The following DMD variants were observed in gnomAD, a reference collection of about 807,000 sequenced individuals.
DMD encodes the protein dystrophin.
In DMD, 63 loss-of-function variants were observed where a neutral mutation model predicts 330.1. The ratio of observed to expected loss-of-function variants is 0.19; its 90% CI spans 0.16 to 0.24. The LOEUF (loss-of-function observed/expected upper bound fraction) is 0.24. DMD is among the 10% of genes least tolerant of loss of function. The pLI is 1.00. For synonymous variants in DMD, 1,223 were observed against 959.8 expected (o/e 1.27, Z -5.07); for missense variants, 3,344 against 2,684.1 (o/e 1.25, Z -5.43).
rs957054113 is a variant in DMD, at chrX:31,527,590, C to A, written c.8218-20137G>T. On this transcript the variant is annotated intron_variant, in intron 55 of 78. Transcript: ENST00000357033. The stretch of plus-strand genomic sequence containing the variant: ...GTGAGGCATAGGTCACCTTTCTGCC[C>A]CTTTTGGCTATTTCTGTTGGCGAGC... 3.6e-5 allele frequency among the ~76,000 whole-genome samples: 4 copies of A among 111,390 alleles called. No individual in the cohort carries two copies. In the East Asian group the frequency reaches 1.1e-3, roughly 31 times the overall value.
At chrX:33,232,934 T>A (rs1436727422) in intron 1 of DMD, among the ~76,000 whole-genome samples, 1 of 111,109 alleles carries the variant, frequency 9.0e-6, no homozygotes, top group Non-Finnish European at 1.9e-5. Flanking sequence ...GGCGGAAGGG[T>A]CCTACCGGGA....
chrX:31,852,024 G>T (rs776925314), intron 48 of DMD, among the ~76,000 whole-genome samples: 2 of 111,086 alleles, frequency 1.8e-5, no homozygotes, highest in South Asian at 7.7e-4. Flanking sequence ...GGACACCAGG[G>T]TGAGTGGAAT....
chrX:32,080,449 G>A (rs1402966053), intron 44 of DMD, among the ~76,000 whole-genome samples: 3 of 112,401 alleles, frequency 2.7e-5, no homozygotes, highest in Non-Finnish European at 5.6e-5. Context: ...TTTAAATAAA[G>A]TTATGTAAAT....
intron 1 of DMD, among the ~76,000 whole-genome samples, chrX:33,315,997 G>A (rs2148951860): frequency 9.1e-6 from 1 of 109,908 alleles, no homozygotes; most frequent in South Asian, 3.8e-4. Flanking sequence ...CAAATGTTTT[G>A]CAATATACCT....
At chrX:32,958,111 C>G (rs2091696754) in intron 2 of DMD, among the ~76,000 whole-genome samples, 1 of 111,448 alleles carries the variant, frequency 9.0e-6, no homozygotes. Context: ...CATAGATTTT[C>G]AGCGTAAGAG....
At position 32,365,176 on chromosome X, in the gene DMD, T is replaced by C; in HGVS notation, c.4869A>G (p.Lys1623=). The C allele has an allele frequency of 8.3e-7, 1 of 1,211,021 alleles. No homozygotes were observed. The highest frequency in any genetic ancestry group is 1.1e-6 in the Non-Finnish European group (1 of 895,117). Reference sequence around the variant, plus strand: ...TGATACTCTTCAGGTGCACCTTCTGTTTCTCAATCTCTTTTTGAGTAGCCT... The same window carrying C: ...TGATACTCTTCAGGTGCACCTTCTGCTTCTCAATCTCTTTTTGAGTAGCCT... ...WGKATQKEIE[K]QKVHLKSITE... The change falls in exon 35 of 79, where the codon AAA becomes AAG. Residue 1623 remains lysine (K), a synonymous_variant. Coordinates refer to ENST00000357033, the MANE Select transcript of DMD (RefSeq NM_004006.3).
At chrX:32,826,821 T>C (rs1175280416) in intron 4 of DMD, among the ~76,000 whole-genome samples, 1 of 110,413 alleles carries the variant, frequency 9.1e-6, no homozygotes, top group Non-Finnish European at 1.9e-5. Context: ...ATTTTGAAAA[T>C]TGCTAAGAGA....
At chrX:32,198,305 G>C (rs976810324) in intron 44 of DMD, among the ~76,000 whole-genome samples, 9 of 111,617 alleles carry the variant, frequency 8.1e-5, no homozygotes, top group Non-Finnish European at 1.7e-4. Context: ...CCAAAACTTA[G>C]AAGTAAAACA....
In DMD at chrX:31,627,692, T is replaced by C. The variant is rs1219165101; in HGVS notation, c.8198A>G (p.Glu2733Gly). 8.3e-6 allele frequency: 10 copies of C among 1,209,857 alleles called. No individual in the cohort carries two copies. Among genetic ancestry groups the C allele is most frequent in the Non-Finnish European group, 1.1e-5 (10 of 895,251 alleles). Residue 2733 changes from glutamate (E) to glycine (G), a missense_variant, in exon 55 of 79, where the codon GAG (glutamate) becomes GGG (glycine). Glu to Gly is a moderately conservative substitution (Grantham distance 98, BLOSUM62 -2). Transcript: ENST00000357033. ...ACTTACTTGCCATTGTTTCATCAGC[T>C]CTTTTACTCCCTTGGAGTCTTCTAG... Reference protein sequence around the residue: ...RLLEDSKGVKELMKQWQDLQG... With the variant: ...RLLEDSKGVKGLMKQWQDLQG...
chrX:32,563,207 G>T (rs1238706716), intron 16 of DMD, among the ~76,000 whole-genome samples: 1 of 108,462 alleles, frequency 9.2e-6, no homozygotes, highest in African/African-American at 3.4e-5. Flanking sequence ...GGGTGTCATG[G>T]TAGGCACCTG....
intron 18 of DMD, among the ~76,000 whole-genome samples, chrX:32,514,717 G>GGC (rs1349014296): frequency 3.6e-5 from 4 of 112,576 alleles, no homozygotes; most frequent in East Asian, 2.8e-4. Context: ...CTCCCGCCTG[G>GGC]GACAGAGCGA....
intron 64 of DMD, among the ~76,000 whole-genome samples, chrX:31,220,793 C>T (rs2045924166): frequency 9.1e-6 from 1 of 110,117 alleles, no homozygotes; most frequent in Admixed American, 9.7e-5. Context: ...GACTCCCTTT[C>T]ACCCACCACA....
intron 9 of DMD, among the ~76,000 whole-genome samples, chrX:32,662,775 A>G (rs1022864712): frequency 8.9e-6 from 1 of 111,973 alleles, no homozygotes; most frequent in African/African-American, 3.2e-5. Context: ...CAGAATTTCT[A>G]AACAAATAAA....
At chrX:31,201,187 A>ACACACACG (rs1394457407) in intron 67 of DMD, among the ~76,000 whole-genome samples, 1 of 107,618 alleles carries the variant, frequency 9.3e-6, no homozygotes, top group African/African-American at 3.4e-5. Flanking sequence ...ACACACACAC[A>ACACACACG]CACACACACA....
intron 2 of DMD, among the ~76,000 whole-genome samples, chrX:32,984,056 C>T (rs779355077): frequency 9.0e-6 from 1 of 111,161 alleles, no homozygotes; most frequent in South Asian, 3.8e-4. Context: ...TCCTTCCCTG[C>T]CAGCTAAAGA....
intron 44 of DMD, among the ~76,000 whole-genome samples, chrX:32,133,432 C>CT (rs1234490703): frequency 9.0e-6 from 1 of 111,604 alleles, no homozygotes; most frequent in Non-Finnish European, 1.9e-5. Context: ...GATATCACAG[C>CT]TTTAAATGTT....
At chrX:31,310,816 A>C (rs1013998169) in intron 62 of DMD, among the ~76,000 whole-genome samples, 1 of 108,177 alleles carries the variant, frequency 9.2e-6, no homozygotes, top group Non-Finnish European at 1.9e-5. Flanking sequence ...TGACCCCCCA[A>C]AGTGCTGGGA....
rs763610153 is a variant in DMD at position 32,287,661 on chromosome X, T to C, written c.6158A>G (p.Asp2053Gly). The C allele has an allele frequency of 8.3e-7, 1 of 1,210,000 alleles. No homozygotes were observed. Among genetic ancestry groups the C allele is most frequent in the Non-Finnish European group, 1.1e-6 (1 of 894,185 alleles). Reference sequence around the variant, plus strand: ...TGCTGTCTTCTTGCTATGAATAATGTCAATCCGACCTGAGCTTTGTTGTAG... The same window carrying C: ...TGCTGTCTTCTTGCTATGAATAATGCCAATCCGACCTGAGCTTTGTTGTAG... ...DSLQQSSGRI[D>G]IIHSKKTAAL... is the part of the protein sequence containing the mutation. The change falls in exon 43 of 79, where the codon GAC becomes GGC. Residue 2053 changes from aspartate (D) to glycine (G), a missense_variant. Asp to Gly is a moderately conservative substitution (Grantham distance 94). Transcript: ENST00000357033.
intron 43 of DMD, among the ~76,000 whole-genome samples, chrX:32,229,094 G>GT (rs753673337): frequency 4.6e-5 from 5 of 109,488 alleles, no homozygotes; most frequent in East Asian, 5.8e-4. Context: ...TTTGTTTCTT[G>GT]TTTTTTTTAA....
Sources: gnomAD v4.1 joint callset for allele counts (sites outside exome capture counted in the v4.1 genomes callset) on GRCh38, gnomAD v4.1.1 for gene constraint, MANE v1.5 for transcripts, NCBI Gene and HGNC (gene_info 2026-07-23, HGNC 2026-07-21) for gene names.